Variants in XRCC2 observed in about 807,000 individuals in gnomAD.
XRCC2 encodes the protein X-ray repair cross complementing 2.
Under a neutral mutation model 27.3 loss-of-function variants are expected in XRCC2, and 24 were observed. The observed-to-expected ratio is 0.88, with a 90% CI of 0.64 to 1.24. The LOEUF is 1.24. Among genes scored for constraint, XRCC2 ranks in the 50% most tolerant of loss-of-function variants. The probability of loss-of-function intolerance (pLI) is 0.00; values close to 1 mark genes in which losing one functional copy is unlikely to be tolerated. For synonymous variants in XRCC2, 106 were observed against 115.4 expected (o/e 0.92, Z 0.52); for missense variants, 321 against 325.8 (o/e 0.99, Z 0.11).
rs1208245604 is a variant in XRCC2 at position 152,648,404 on chromosome 7, T to A, written c.*238A>T. 7.6e-6 allele frequency: 2 copies of A among 262,412 alleles called. No individual in the cohort carries two copies. The highest frequency in any genetic ancestry group is 1.3e-5 in the Non-Finnish European group (2 of 155,330). 16.3% of individuals were successfully genotyped at this position (262,412 alleles called of 1,614,324 possible). On this transcript the variant is annotated 3_prime_UTR_variant, in exon 3 of 3. Transcript: ENST00000359321. ...CAGCCTGGGAGACAGAGTAAGACTG[T>A]TTCAAAAAGAAAAAAAAAAAAAAAG...
chr7:152,671,527 C>T (rs965391793), intron 1 of XRCC2, among the ~76,000 whole-genome samples: 1 of 152,188 alleles, frequency 6.6e-6, no homozygotes, highest in Admixed American at 6.5e-5. Flanking sequence ...CAATACTCTT[C>T]TCTTATACCT....
At chr7:152,657,005 G>A (rs548707175) in intron 2 of XRCC2, among the ~76,000 whole-genome samples, 17 of 152,162 alleles carry the variant, frequency 1.1e-4, no homozygotes, top group Admixed American at 5.9e-4. Context: ...GGGAGGCCAA[G>A]GTGGGCGAAT....
chr7:152,656,038 G>A (rs1055658166), intron 2 of XRCC2, among the ~76,000 whole-genome samples: 5 of 152,008 alleles, frequency 3.3e-5, no homozygotes, highest in African/African-American at 4.8e-5. Flanking sequence ...ACACAGGGAG[G>A]GGAACAACAG....
chr7:152,670,984 G>A (rs968680444), intron 1 of XRCC2, among the ~76,000 whole-genome samples: 39 of 152,284 alleles, frequency 2.6e-4, no homozygotes, highest in African/African-American at 8.7e-4. Context: ...GGTGGCCAAG[G>A]CGGGCAGATC....
chr7:152,671,189 TG>T (rs2117009569), intron 1 of XRCC2, among the ~76,000 whole-genome samples: 1 of 152,230 alleles, frequency 6.6e-6, no homozygotes, highest in African/African-American at 2.4e-5. Context: ...CACTCCAGCC[TG>T]GGCGACAGAG....
At chr7:152,653,079 C>T (rs1249853048) in intron 2 of XRCC2, among the ~76,000 whole-genome samples, 2 of 152,084 alleles carry the variant, frequency 1.3e-5, no homozygotes, top group Non-Finnish European at 2.9e-5. Context: ...TGAAATCCCA[C>T]GTATTGTGGG....
intron 2 of XRCC2, among the ~76,000 whole-genome samples, chr7:152,649,721 C>T (rs1422045690): frequency 6.6e-6 from 1 of 152,168 alleles, no homozygotes; most frequent in East Asian, 1.9e-4. Flanking sequence ...TCCCTTCTTC[C>T]TAAAGTATAA....
At chr7:152,656,310 G>T (rs1375080735) in intron 2 of XRCC2, among the ~76,000 whole-genome samples, 2 of 152,118 alleles carry the variant, frequency 1.3e-5, no homozygotes, top group Non-Finnish European at 2.9e-5. Context: ...GATTCCCTGA[G>T]GTTGGGTGTT....
intron 1 of XRCC2, among the ~76,000 whole-genome samples, chr7:152,662,626 G>A (rs570068479): frequency 2.6e-4 from 34 of 128,990 alleles, no homozygotes; most frequent in Middle Eastern, 4.7e-3. Context: ...AGGCTGGAGT[G>A]CAGTGGCGGG....
chr7:152,665,128 A>G (rs930429011), intron 1 of XRCC2, among the ~76,000 whole-genome samples: 2 of 152,144 alleles, frequency 1.3e-5, no homozygotes, highest in African/African-American at 2.4e-5. Context: ...ACCAGGAAGG[A>G]TCAGGAAATA....
At chr7:152,667,343 T>C (rs1233495626) in intron 1 of XRCC2, among the ~76,000 whole-genome samples, 1 of 133,796 alleles carries the variant, frequency 7.5e-6, no homozygotes, top group Non-Finnish European at 1.5e-5. Context: ...AGGCAGAGGT[T>C]GCGGTGAGCC....
chr7:152,660,565 A>G (rs1053663584), intron 2 of XRCC2, 136 bp downstream of exon 2: 1 of 665,396 alleles, frequency 1.5e-6, no homozygotes, highest in African/African-American at 1.9e-5. Context: ...TTCTGTCACA[A>G]CCTGTGTCTC....
At chr7:152,657,857 A>G (rs1484799213) in intron 2 of XRCC2, among the ~76,000 whole-genome samples, 1 of 152,244 alleles carries the variant, frequency 6.6e-6, no homozygotes, top group Admixed American at 6.5e-5. Context: ...ACATTAGAAA[A>G]TATTTAACAC....
chr7:152,671,420 A>G (rs1166191532), intron 1 of XRCC2, among the ~76,000 whole-genome samples: 2 of 152,166 alleles, frequency 1.3e-5, no homozygotes, highest in Non-Finnish European at 2.9e-5. Flanking sequence ...AAGAAACAGA[A>G]ACAAAAAATA....
rs537423642 is a variant in XRCC2, at chr7:152,655,848, T to A, written c.121+4853A>T. Among the ~76,000 whole-genome samples, 4 of 152,086 alleles carry A rather than the reference T, an allele frequency of 2.6e-5. 1 individual carries two copies. The East Asian group carries it at 7.7e-4, about 29-fold the overall frequency. The stretch of plus-strand genomic sequence containing the variant: ...CAACATGTTGGAACCCTGTCTCTAC[T>A]AAAAATACAAAAAATTTGCTGGGCA... On this transcript the variant is annotated intron_variant, in intron 2 of 2. Transcript: ENST00000359321.
rs1321170086 is a variant in XRCC2, at chr7:152,645,789, A to G, written c.*2853T>C. On this transcript the variant is annotated 3_prime_UTR_variant, in exon 3 of 3. Transcript: ENST00000359321. ...GGGACTCAGCTAGGCAAGGTGGCAC[A>G]CACCTGTAATCACAGCTACTTTGGA... 3.3e-5 allele frequency: 5 copies of G among 152,196 alleles called. No individual in the cohort carries two copies. The highest frequency in any genetic ancestry group is 5.9e-5 in the Non-Finnish European group (4 of 68,048). 9.4% of individuals were successfully genotyped at this position (152,196 alleles called of 1,614,324 possible).
intron 1 of XRCC2, among the ~76,000 whole-genome samples, chr7:152,672,614 C>T (rs1443832410): frequency 6.6e-6 from 1 of 152,172 alleles, no homozygotes; most frequent in Non-Finnish European, 1.5e-5. Context: ...GTCCAATATT[C>T]TCTAGATCTC....
chr7:152,675,597 C>T (rs1463726688), intron 1 of XRCC2, among the ~76,000 whole-genome samples: 1 of 152,122 alleles, frequency 6.6e-6, no homozygotes, highest in East Asian at 1.9e-4. Flanking sequence ...GGTGAGGCAA[C>T]CTCCGCAAAC....
At chr7:152,654,852 T>C (rs1431335382) in intron 2 of XRCC2, among the ~76,000 whole-genome samples, 1 of 152,244 alleles carries the variant, frequency 6.6e-6, no homozygotes, top group Admixed American at 6.5e-5. Flanking sequence ...AAGAGACACA[T>C]GAATTATCAT....
Sources: gnomAD v4.1 joint callset for allele counts (sites outside exome capture counted in the v4.1 genomes callset) on GRCh38, gnomAD v4.1.1 for gene constraint, MANE v1.5 for transcripts, NCBI Gene and HGNC (gene_info 2026-07-23, HGNC 2026-07-21) for gene names.